ZNF423: variants seen among roughly 807,000 people sequenced by gnomAD.
ZNF423 encodes the protein zinc finger protein 423, also known as Ebf-associated zinc finger protein.
A neutral mutation model predicts 95.8 loss-of-function variants in ZNF423; 12 were observed. That is an observed-to-expected ratio of 0.13 (90% CI 0.08 to 0.20). ZNF423 has a LOEUF of 0.20. ZNF423 is among the 10% of genes least tolerant of loss of function. The pLI is 1.00. For missense variants in ZNF423, 1,316 were observed against 1,737.1 expected, an observed-to-expected ratio of 0.76 and a Z score of 4.31; for synonymous variants, 749 against 711.9, an observed-to-expected ratio of 1.05 and a Z score of -0.83.
At chr16:49,516,411 G>A (rs112442272) in intron 7 of ZNF423, among the ~76,000 whole-genome samples, 5 of 152,212 alleles carry the variant, frequency 3.3e-5, no homozygotes, top group African/African-American at 9.6e-5. Context: ...CACAGGCAGC[G>A]TCTGCTACAT....
intron 2 of ZNF423, among the ~76,000 whole-genome samples, chr16:49,775,209 T>G (rs970220210): frequency 6.6e-6 from 1 of 152,212 alleles, no homozygotes; most frequent in African/African-American, 2.4e-5. Flanking sequence ...ACTGAGATGG[T>G]TCCTGCTGTT....
At chr16:49,522,818 A>C (rs1193136319) in intron 7 of ZNF423, among the ~76,000 whole-genome samples, 3 of 152,130 alleles carry the variant, frequency 2.0e-5, no homozygotes, top group Non-Finnish European at 2.9e-5. Context: ...GGTACAGTGA[A>C]TGTGAGATTT....
rs9938271 is a variant in ZNF423 at position 49,770,623 on chromosome 16, G to A, written c.100+18864C>T. ...AGGGTTTGTGGAAGGCAGGGACAGC[G>A]GCTGGGCCTTGGAAGACTGCCACTT... On this transcript the variant is annotated intron_variant, in intron 2 of 7. Coordinates refer to ENST00000563137, the MANE Select transcript of ZNF423 (RefSeq NM_001379286.1). Among the ~76,000 whole-genome samples the A allele has an allele frequency of 6.6e-3, 1,010 of 152,212 alleles. 15 individuals carry two copies. Among genetic ancestry groups the A allele is most frequent in the African/African-American group, 0.022 (930 of 41,528 alleles).
intron 5 of ZNF423, among the ~76,000 whole-genome samples, chr16:49,554,596 T>C (rs1384155931): frequency 6.6e-6 from 1 of 151,978 alleles, no homozygotes; most frequent in African/African-American, 2.4e-5. Context: ...TTTCAGGGAC[T>C]CATTACATTA....
intron 1 of ZNF423, among the ~76,000 whole-genome samples, chr16:49,849,546 G>A (rs545589938): frequency 1.3e-5 from 2 of 152,288 alleles, no homozygotes; most frequent in Admixed American, 1.3e-4. Flanking sequence ...AAATGTGAAT[G>A]AGTTGAAGAA....
chr16:49,854,967 G>A (rs2035343293), intron 1 of ZNF423: 3 of 984,904 alleles, frequency 3.0e-6, no homozygotes, highest in Non-Finnish European at 3.6e-6. Flanking sequence ...TCAGATCCGG[G>A]GCGCCCTCCG....
chr16:49,783,577 G>C lies in ZNF423; in HGVS notation c.100+5910C>G, dbSNP rs1274453287. ...CAGGCTGAAATGGGTGGGAAAGAGGGGGGGTTAGGTGTAGGGGTAGGTTTC... is the reference window on the plus strand; with the variant it reads ...CAGGCTGAAATGGGTGGGAAAGAGGCGGGGTTAGGTGTAGGGGTAGGTTTC... On this transcript the variant is annotated intron_variant, in intron 2 of 7. Transcript: ENST00000563137. Among the ~76,000 whole-genome samples, 3 of 138,368 alleles carry C rather than the reference G, an allele frequency of 2.2e-5. No homozygotes were observed. In the Admixed American group the frequency reaches 2.2e-4, roughly 10 times the overall value. 90.8% of individuals were successfully genotyped at this position (138,368 alleles called of 152,430 possible).
chr16:49,645,730 G>GTGGTGGGAGGGACC, intron 3 of ZNF423, among the ~76,000 whole-genome samples: 1 of 152,298 alleles, frequency 6.6e-6, no homozygotes, highest in Middle Eastern at 3.4e-3. Context: ...ATCCCCACTT[G>GTGGTGGGAGGGACC]TGGTGGGAGG....
intron 3 of ZNF423, among the ~76,000 whole-genome samples, chr16:49,715,459 A>G (rs2032676752): frequency 6.6e-6 from 1 of 152,210 alleles, no homozygotes; most frequent in Non-Finnish European, 1.5e-5. Flanking sequence ...GGAGGAACTG[A>G]GGCCGGGCAC....
rs945092407 is a variant in ZNF423 at position 49,810,138 on chromosome 16, C to T, written c.41-20592G>A. Among the ~76,000 whole-genome samples, 10 of 152,042 alleles carry T rather than the reference C, an allele frequency of 6.6e-5. No homozygotes were observed. In the South Asian group the frequency reaches 1.0e-3, roughly 16 times the overall value. Reference sequence around the variant, plus strand: ...CCAGAGGTCCAGGGTGGTCTGGGGTCGGGGAGGCTGGGGGAGTCCTGGCAC... The same window carrying T: ...CCAGAGGTCCAGGGTGGTCTGGGGTTGGGGAGGCTGGGGGAGTCCTGGCAC... On this transcript the variant is annotated intron_variant, in intron 1 of 7. Transcript: ENST00000563137.
chr16:49,845,572 A>C (rs1171939486), intron 1 of ZNF423, among the ~76,000 whole-genome samples: 1 of 145,250 alleles, frequency 6.9e-6, no homozygotes, highest in African/African-American at 2.6e-5. Flanking sequence ...AAAGGGTCTC[A>C]CTCTGTCACC....
chr16:49,846,783 G>A (rs376600448), intron 1 of ZNF423, among the ~76,000 whole-genome samples: 1 of 152,216 alleles, frequency 6.6e-6, no homozygotes, highest in Non-Finnish European at 1.5e-5. Flanking sequence ...TGCAGCCACA[G>A]GGGGTGAGGG....
Position 49,814,563 on chromosome 16 carries a change from C to T in ZNF423, c.41-25017G>A, listed in dbSNP as rs116084113. ...TGCTTTCTCAGGTGGGCAACTGAGG[C>T]TCAGACAGGAAACACGCTTGTTCCT... On this transcript the variant is annotated intron_variant, in intron 1 of 7. Transcript: ENST00000563137. Among the ~76,000 whole-genome samples, 1,199 of 152,004 alleles carry T rather than the reference C, an allele frequency of 7.9e-3. 27 individuals carry two copies. The highest frequency in any genetic ancestry group is 0.026 in the African/African-American group (1,099 of 41,498).
chr16:49,648,396 C>A (rs1342950383), intron 3 of ZNF423, among the ~76,000 whole-genome samples: 1 of 151,942 alleles, frequency 6.6e-6, no homozygotes, highest in Admixed American at 6.6e-5. Context: ...AATCCCAGCA[C>A]TTTGGGAGGC....
chr16:49,750,710 CATAA>C (rs1251146169), intron 2 of ZNF423, among the ~76,000 whole-genome samples: 16 of 152,334 alleles, frequency 1.1e-4, no homozygotes, highest in African/African-American at 3.4e-4. Context: ...ACAGAAGATG[CATAA>C]ATAGAGAAAT....
intron 3 of ZNF423, among the ~76,000 whole-genome samples, chr16:49,714,610 C>G (rs992705429): frequency 3.4e-5 from 5 of 145,538 alleles, no homozygotes; most frequent in Non-Finnish European, 7.5e-5. Context: ...CTCGCCACTG[C>G]ACTCCAGCCT....
chr16:49,601,834 G>A (rs1281470837), intron 5 of ZNF423, among the ~76,000 whole-genome samples: 1 of 152,230 alleles, frequency 6.6e-6, no homozygotes, highest in Non-Finnish European at 1.5e-5. Context: ...GGAAGCAGGA[G>A]CCAGGGCGGA....
At chr16:49,756,203 T>G (rs2033723867) in intron 2 of ZNF423, among the ~76,000 whole-genome samples, 1 of 152,130 alleles carries the variant, frequency 6.6e-6, no homozygotes, top group African/African-American at 2.4e-5. Context: ...TTTTGAATCC[T>G]GGGGGCAGCC....
chr16:49,848,442 A>C (rs929835053), intron 1 of ZNF423, among the ~76,000 whole-genome samples: 3 of 152,210 alleles, frequency 2.0e-5, no homozygotes, highest in Non-Finnish European at 1.5e-5. Flanking sequence ...TCATAGCACA[A>C]GCAAATCTTT....
Sources: allele counts gnomAD v4.1 joint callset (sites outside exome capture counted in the v4.1 genomes callset), GRCh38; gene constraint gnomAD v4.1.1; transcripts MANE v1.5; gene names NCBI Gene and HGNC (gene_info 2026-07-23, HGNC 2026-07-21).